The following LHFPL6 variants were observed in gnomAD, a reference collection of about 807,000 sequenced individuals.
The protein encoded by LHFPL6 is LHFPL tetraspan subfamily member 6.
In LHFPL6, 9 loss-of-function variants were observed where a neutral mutation model predicts 20.6. The ratio of observed to expected loss-of-function variants is 0.44; its 90% CI spans 0.26 to 0.76. The LOEUF (loss-of-function observed/expected upper bound fraction) is 0.76. Among genes scored for constraint, LHFPL6 ranks in the 30% least tolerant of loss-of-function variants. The pLI, the probability that LHFPL6 is intolerant of heterozygous loss-of-function variation, is 0.20. For missense variants in LHFPL6, 218 were observed against 253.5 expected (o/e 0.86, Z 0.95); for synonymous variants, 105 against 98.7 (o/e 1.06, Z -0.38).
chr13:39,404,540 T>A (rs1384795787), intron 2 of LHFPL6, among the ~76,000 whole-genome samples: 2 of 152,172 alleles, frequency 1.3e-5, no homozygotes, highest in Non-Finnish European at 2.9e-5. Context: ...TAATAACAAC[T>A]GGAGGTGGGA....
At chr13:39,498,299 G>A (rs1869166133) in intron 2 of LHFPL6, among the ~76,000 whole-genome samples, 1 of 152,092 alleles carries the variant, frequency 6.6e-6, no homozygotes, top group Non-Finnish European at 1.5e-5. Flanking sequence ...TTGTTTCCTA[G>A]TCACCTTCTC....
chr13:39,363,410 G>T (rs185661459), intron 3 of LHFPL6, among the ~76,000 whole-genome samples: 2 of 152,266 alleles, frequency 1.3e-5, no homozygotes, highest in African/African-American at 4.8e-5. Context: ...TAGGTCATGG[G>T]TTGGCAACCT....
chr13:39,412,658 C>T (rs1175192197), intron 2 of LHFPL6, among the ~76,000 whole-genome samples: 1 of 152,220 alleles, frequency 6.6e-6, no homozygotes, highest in Non-Finnish European at 1.5e-5. Flanking sequence ...GGTGCAGTGG[C>T]TCACGCCTGT....
chr13:39,582,363 T>A (rs913252744), intron 2 of LHFPL6, among the ~76,000 whole-genome samples: 2 of 152,154 alleles, frequency 1.3e-5, no homozygotes, highest in Non-Finnish European at 2.9e-5. Flanking sequence ...GACCCAACCA[T>A]GTGAATTGTA....
chr13:39,570,384 T>A (rs965935665), intron 2 of LHFPL6, among the ~76,000 whole-genome samples: 15 of 152,276 alleles, frequency 9.9e-5, no homozygotes, highest in African/African-American at 3.1e-4. Flanking sequence ...GGCTCAAGCA[T>A]CTTCCAGCCT....
chr13:39,480,573 A>G (rs1024130499), intron 2 of LHFPL6, among the ~76,000 whole-genome samples: 10 of 152,182 alleles, frequency 6.6e-5, no homozygotes, highest in African/African-American at 2.4e-4. Flanking sequence ...TAGGTCTTAG[A>G]GAAAATGCCA....
rs138373011 is a variant in LHFPL6, at chr13:39,458,743, T to C, written c.386-80217A>G. 9.0e-5 allele frequency among the ~76,000 whole-genome samples: 12 copies of C among 132,664 alleles called. No homozygotes were observed. In the East Asian group the frequency reaches 2.7e-3, roughly 29 times the overall value. 87.0% of individuals were successfully genotyped at this position (132,664 alleles called of 152,430 possible). The stretch of plus-strand genomic sequence containing the variant: ...AGTCCAAGTCAGACACCAGGTACAA[T>C]GGGTGGACAGAGAAAAAGTAACTAT... On this transcript the variant is annotated intron_variant, in intron 2 of 3. Coordinates refer to ENST00000379589, the MANE Select transcript of LHFPL6 (RefSeq NM_005780.3).
intron 2 of LHFPL6, among the ~76,000 whole-genome samples, chr13:39,515,271 T>C (rs535398733): frequency 5.3e-5 from 8 of 152,342 alleles, no homozygotes; most frequent in Admixed American, 5.2e-4. Flanking sequence ...CCTTCAGACC[T>C]CTGCAGCTAC....
At chr13:39,400,310 A>G (rs1347529358) in intron 2 of LHFPL6, among the ~76,000 whole-genome samples, 1 of 152,188 alleles carries the variant, frequency 6.6e-6, no homozygotes, top group African/African-American at 2.4e-5. Context: ...GTCTCTAGAA[A>G]ATAATCAGGT....
rs1243720274 is a variant in LHFPL6 at position 39,584,158 on chromosome 13, G to C, written c.385+16674C>G. On this transcript the variant is annotated intron_variant, in intron 2 of 3. Transcript: ENST00000379589. ...CTAGATTTAGATTATTAGTAGGCAAGATCCAGACTTTTCTGAGCAGCAATG... is the reference window on the plus strand; with the variant it reads ...CTAGATTTAGATTATTAGTAGGCAACATCCAGACTTTTCTGAGCAGCAATG... 2.6e-5 allele frequency among the ~76,000 whole-genome samples: 4 copies of C among 152,174 alleles called. No individual in the cohort carries two copies. The East Asian group carries it at 7.7e-4, about 29-fold the overall frequency.
chr13:39,405,107 A>C (rs1871087255), intron 2 of LHFPL6, among the ~76,000 whole-genome samples: 1 of 152,172 alleles, frequency 6.6e-6, no homozygotes, highest in Admixed American at 6.5e-5. Context: ...AAGACCAATA[A>C]AATTGAGTGT....
At chr13:39,370,632 C>T (rs913417669) in intron 3 of LHFPL6, among the ~76,000 whole-genome samples, 1 of 152,208 alleles carries the variant, frequency 6.6e-6, no homozygotes, top group Non-Finnish European at 1.5e-5. Flanking sequence ...ACTTTAACTG[C>T]CGCTCTCTGC....
chr13:39,486,547 CAG>C (rs1868732460), intron 2 of LHFPL6, among the ~76,000 whole-genome samples: 1 of 152,194 alleles, frequency 6.6e-6, no homozygotes, highest in Non-Finnish European at 1.5e-5. Flanking sequence ...GGAGCAGACA[CAG>C]GGGTGTAAAC....
At chr13:39,590,775 T>A (rs1053911844) in intron 2 of LHFPL6, among the ~76,000 whole-genome samples, 2 of 152,238 alleles carry the variant, frequency 1.3e-5, no homozygotes, top group Non-Finnish European at 2.9e-5. Context: ...GTTCTTTCTA[T>A]GGAAATGTTT....
intron 2 of LHFPL6, among the ~76,000 whole-genome samples, chr13:39,461,480 T>C (rs533014858): frequency 2.0e-5 from 3 of 152,286 alleles, no homozygotes; most frequent in Admixed American, 6.5e-5. Context: ...ATCTGTATAA[T>C]GTTTACTGCT....
chr13:39,539,928 T>C (rs942193519), intron 2 of LHFPL6, among the ~76,000 whole-genome samples: 32 of 152,218 alleles, frequency 2.1e-4, no homozygotes, highest in South Asian at 4.1e-4. Context: ...TAATACACTT[T>C]TATAGAATAT....
rs1472395705 is a variant in LHFPL6, at chr13:39,603,097, C to G, written c.-389G>C. 1 of 152,324 alleles carries G rather than the reference C, an allele frequency of 6.6e-6. No individual in the cohort carries two copies. Among genetic ancestry groups the G allele is most frequent in the African/African-American group, 2.4e-5 (1 of 41,462 alleles). 9.4% of individuals were successfully genotyped at this position (152,324 alleles called of 1,614,324 possible). A position where few individuals can be genotyped will look rare whatever the true frequency, so the allele number is the denominator to read the frequency against. On this transcript the variant is annotated 5_prime_UTR_variant, in exon 1 of 4. Coordinates refer to ENST00000379589, the MANE Select transcript of LHFPL6 (RefSeq NM_005780.3). ...AGAAGCGGGCTGGCACCAGCGGAGACCCCCACTCCCGGCGAGTCCGCGGCG... is the reference window on the plus strand; with the variant it reads ...AGAAGCGGGCTGGCACCAGCGGAGAGCCCCACTCCCGGCGAGTCCGCGGCG...
chr13:39,447,898 T>G (rs886135822), intron 2 of LHFPL6, among the ~76,000 whole-genome samples: 3 of 152,214 alleles, frequency 2.0e-5, no homozygotes, highest in African/African-American at 7.2e-5. Flanking sequence ...GGAATTCATC[T>G]GGGGATGTTC....
chr13:39,544,139 A>G (rs1200236272), intron 2 of LHFPL6, among the ~76,000 whole-genome samples: 2 of 152,328 alleles, frequency 1.3e-5, no homozygotes, highest in African/African-American at 4.8e-5. Context: ...CTAAAAACTT[A>G]AAGAATGGAA....
Sources: allele counts gnomAD v4.1 joint callset (sites outside exome capture counted in the v4.1 genomes callset), GRCh38; gene constraint gnomAD v4.1.1; transcripts MANE v1.5; gene names NCBI Gene and HGNC (gene_info 2026-07-23, HGNC 2026-07-21).